Variants in ERC1 observed in about 807,000 individuals in gnomAD.
The protein encoded by ERC1 is RAB6 interacting protein 2.
In ERC1, 56 loss-of-function variants were observed where a neutral mutation model predicts 132.0. That is an observed-to-expected ratio of 0.42 (90% CI 0.34 to 0.53). The LOEUF (loss-of-function observed/expected upper bound fraction) is 0.53. Among genes scored for constraint, ERC1 ranks in the 20% least tolerant of loss-of-function variants. ERC1 has a pLI of 0.03. For missense variants in ERC1, 1,202 were observed against 1,349.9 expected (o/e 0.89, Z 1.72); for synonymous variants, 478 against 476.1 (o/e 1.00, Z -0.05).
At chr12:1,118,675 C>T in intron 7 of ERC1, among the ~76,000 whole-genome samples, 1 of 152,318 alleles carries the variant, frequency 6.6e-6, no homozygotes, top group African/African-American at 2.4e-5. Context: ...ACAAGAGTCA[C>T]CTTTTCCAAT....
intron 17 of ERC1, among the ~76,000 whole-genome samples, chr12:1,413,254 A>AT (rs1491587294): frequency 6.6e-6 from 1 of 152,238 alleles, no homozygotes; most frequent in African/African-American, 2.4e-5. Context: ...GCCTCCACTC[A>AT]TAAAAAAAAA....
chr12:1,384,391 T>C (rs1007223609), intron 16 of ERC1, among the ~76,000 whole-genome samples: 1 of 152,156 alleles, frequency 6.6e-6, no homozygotes, highest in Non-Finnish European at 1.5e-5. Context: ...AGTTCGAAAA[T>C]CTGTGTGCTC....
intron 15 of ERC1, among the ~76,000 whole-genome samples, chr12:1,296,769 T>C (rs1277951064): frequency 6.6e-6 from 1 of 152,170 alleles, no homozygotes; most frequent in Non-Finnish European, 1.5e-5. Context: ...AATAGATCAA[T>C]TGAAATTATT....
intron 1 of ERC1, among the ~76,000 whole-genome samples, chr12:997,409 G>A (rs1359572578): frequency 6.6e-6 from 1 of 152,186 alleles, no homozygotes; most frequent in African/African-American, 2.4e-5. Flanking sequence ...TTAAATACTT[G>A]ATGAATGAAT....
chr12:1,410,470 C>G, intron 17 of ERC1: 2 of 1,243,910 alleles, frequency 1.6e-6, no homozygotes, highest in Admixed American at 4.6e-5. Flanking sequence ...AACAGCTTTC[C>G]TTAACTATAG....
intron 12 of ERC1, among the ~76,000 whole-genome samples, chr12:1,193,895 G>A (rs1021561081): frequency 2.0e-5 from 3 of 152,116 alleles, no homozygotes; most frequent in Admixed American, 2.0e-4. Flanking sequence ...GAATAACTGG[G>A]CACTGTAACA....
chr12:1,208,681 C>T (rs891207515), intron 12 of ERC1, among the ~76,000 whole-genome samples: 2 of 152,064 alleles, frequency 1.3e-5, no homozygotes, highest in African/African-American at 2.4e-5. Flanking sequence ...CAGCTGTTGG[C>T]GTGTTCCAGT....
chr12:1,180,251 G>A (rs984535614), intron 8 of ERC1, among the ~76,000 whole-genome samples: 15 of 131,700 alleles, frequency 1.1e-4, no homozygotes, highest in African/African-American at 4.7e-4. Context: ...ATTTTGTTAG[G>A]GATGTGTGTG....
intron 8 of ERC1, among the ~76,000 whole-genome samples, chr12:1,179,708 C>T (rs138377697): frequency 0.02 from 2,761 of 135,960 alleles, no homozygotes; most frequent in Non-Finnish European, 0.027. Context: ...GGGGTTTCAC[C>T]GTTTTAGCTG....
At chr12:1,469,045 A>G (rs189949267) in intron 18 of ERC1, among the ~76,000 whole-genome samples, 8 of 152,356 alleles carry the variant, frequency 5.3e-5, no homozygotes, top group Admixed American at 4.6e-4. Flanking sequence ...TGTTTCAGGA[A>G]TGCATAACAG....
intron 15 of ERC1, among the ~76,000 whole-genome samples, chr12:1,366,626 G>C (rs2086685211): frequency 6.6e-6 from 1 of 152,194 alleles, no homozygotes; most frequent in South Asian, 2.1e-4. Context: ...GCTATGGCAA[G>C]AGACCTAATG....
At chr12:1,393,607 CGTGTGTGTGTGTGTGTGTGT>C (rs34533745) in intron 16 of ERC1, among the ~76,000 whole-genome samples, 2 of 140,158 alleles carry the variant, frequency 1.4e-5, no homozygotes, top group Non-Finnish European at 3.1e-5. Context: ...AGAGAACACA[CGTGTGTGTGTGTGTGTGTGT>C]GTGTGTGTGT....
At chr12:1,315,616 G>A (rs1212058347) in intron 15 of ERC1, among the ~76,000 whole-genome samples, 1 of 152,126 alleles carries the variant, frequency 6.6e-6, no homozygotes, top group Non-Finnish European at 1.5e-5. Context: ...GCCGAGGTGG[G>A]CGGATCTACA....
chr12:1,048,917 A>G (rs562091207), intron 2 of ERC1, among the ~76,000 whole-genome samples: 5 of 152,340 alleles, frequency 3.3e-5, no homozygotes, highest in Admixed American at 6.5e-5. Context: ...TGTGGTACCT[A>G]TAGACAGTAG....
At chr12:1,379,321 C>G (rs765766403) in intron 16 of ERC1, among the ~76,000 whole-genome samples, 3 of 152,196 alleles carry the variant, frequency 2.0e-5, no homozygotes, top group Non-Finnish European at 2.9e-5. Flanking sequence ...TGCTAAAGTT[C>G]TGGTACTGCA....
intron 4 of ERC1, 34 bp from the exon 5 acceptor site, chr12:1,110,156 GAA>G: frequency 6.5e-7 from 1 of 1,540,194 alleles, no homozygotes; most frequent in South Asian, 1.2e-5. Flanking sequence ...GGGTTTTTGT[GAA>G]TACTTCAATC....
At chr12:1,341,438 T>G (rs1177047519) in intron 15 of ERC1, among the ~76,000 whole-genome samples, 1 of 151,926 alleles carries the variant, frequency 6.6e-6, no homozygotes, top group Non-Finnish European at 1.5e-5. Flanking sequence ...ATAGACTGGA[T>G]TAAGAAAATG....
intron 12 of ERC1, among the ~76,000 whole-genome samples, chr12:1,195,653 A>G (rs558542840): frequency 2.4e-4 from 36 of 152,182 alleles, no homozygotes; most frequent in Non-Finnish European, 4.6e-4. Flanking sequence ...TGCTGCAGCT[A>G]CTTCTGCCAA....
chr12:1,342,000 T>C (rs1382487752), intron 15 of ERC1, among the ~76,000 whole-genome samples: 1 of 152,038 alleles, frequency 6.6e-6, no homozygotes, highest in Non-Finnish European at 1.5e-5. Context: ...AATTCATAGA[T>C]GAAAGGGGAT....
Sources: gnomAD v4.1 joint callset for allele counts (sites outside exome capture counted in the v4.1 genomes callset) on GRCh38, gnomAD v4.1.1 for gene constraint, MANE v1.5 for transcripts, NCBI Gene and HGNC (gene_info 2026-07-23, HGNC 2026-07-21) for gene names.